SYCP2: variants seen among roughly 807,000 people sequenced by gnomAD.
SYCP2 encodes synaptonemal complex lateral element protein.
In SYCP2, 55 loss-of-function variants were observed where a neutral mutation model predicts 211.3. The observed-to-expected ratio is 0.26, with a 90% CI of 0.21 to 0.33. The LOEUF is 0.33. SYCP2 is among the 10% of genes least tolerant of loss of function. The pLI, the probability that SYCP2 is intolerant of heterozygous loss-of-function variation, is 1.00. For synonymous variants in SYCP2, 570 were observed against 555.2 expected (o/e 1.03, Z -0.37); for missense variants, 1,731 against 1,752.0 (o/e 0.99, Z 0.21).
At chr20:59,880,138 A>G (rs1294270720) in intron 31 of SYCP2, among the ~76,000 whole-genome samples, 165 bp downstream of exon 31, 1 of 151,460 alleles carries the variant, frequency 6.6e-6, no homozygotes, top group Non-Finnish European at 1.5e-5. Context: ...ATATAACCGT[A>G]TTACTAAAAT....
chr20:59,898,466 G>C (rs6071016), intron 18 of SYCP2, among the ~76,000 whole-genome samples: 2,956 of 152,198 alleles, frequency 0.019, 42 homozygotes, highest in Middle Eastern at 0.041. Flanking sequence ...ACTAACACAA[G>C]AACAGAAAAC....
chr20:59,897,362 G>C (rs2060030369), intron 18 of SYCP2, among the ~76,000 whole-genome samples: 1 of 152,154 alleles, frequency 6.6e-6, no homozygotes, highest in African/African-American at 2.4e-5. Context: ...ATTTTTCTTA[G>C]AGAAATTAAG....
Position 59,893,214 on chromosome 20 carries a change from T to G in SYCP2, c.1736-15A>C. The G allele has an allele frequency of 1.9e-6, 3 of 1,563,128 alleles. No individual in the cohort carries two copies. Among genetic ancestry groups the G allele is most frequent in the South Asian group, 2.3e-5 (2 of 86,264 alleles). On this transcript the variant is annotated splice_polypyrimidine_tract_variant and intron_variant, in intron 21 of 44. Transcript: ENST00000357552. ...CTGGAGTTCACCTAAATAAAACAAA[T>G]ATTATAATATTTTCATTTTTTTCAT...
rs1189169092 is a variant in SYCP2, at chr20:59,868,540, T to G, written c.3861A>C (p.Arg1287Ser). 1 of 1,606,088 alleles carries G rather than the reference T, an allele frequency of 6.2e-7. No individual in the cohort carries two copies. ...SGPTQHLSRK[R>S]IYIEDNLSNS... ...TACTTAGATTATCTTCTATATATAT[T>G]CTTTTGCGACTAAGATGTTGGGTGG... The change falls in exon 38 of 45, where the codon AGA becomes AGC. Residue 1287 changes from arginine (R) to serine (S), a missense_variant. By Grantham distance (110) the Arg-to-Ser change is moderately radical. Coordinates refer to ENST00000357552, the MANE Select transcript of SYCP2 (RefSeq NM_014258.4).
chr20:59,885,416 T>C (rs146243832), intron 26 of SYCP2, among the ~76,000 whole-genome samples: 29 of 152,228 alleles, frequency 1.9e-4, no homozygotes, highest in African/African-American at 3.8e-4. Context: ...ACTGGGCTAA[T>C]AGGAGTTGGC....
chr20:59,899,977 TA>T, intron 18 of SYCP2, 160 bp downstream of exon 18: 1 of 750,170 alleles, frequency 1.3e-6, no homozygotes, highest in Non-Finnish European at 2.2e-6. Flanking sequence ...AGACACACAC[TA>T]TCTTTTGTTT....
intron 7 of SYCP2, 71 bp from the exon 8 acceptor site, chr20:59,916,642 A>G: frequency 9.2e-7 from 1 of 1,088,956 alleles, no homozygotes; most frequent in Admixed American, 1.8e-5. Flanking sequence ...TTTTCTTATA[A>G]GAGTTAGTGG....
At position 59,874,042 on chromosome 20, in the gene SYCP2, T is replaced by C. The variant is rs146097233; in HGVS notation, c.3369A>G (p.Glu1123=). ...EVTRCIEKIT[E]KDFTQDYDCI... ...AGTCATAATCCTGAGTAAAATCCTT[T>C]TCTGTTATTTTCTCTATACCTATAT... Residue 1123 remains glutamate (E), a synonymous_variant, in exon 35 of 45, where the codon GAA becomes GAG. Coordinates refer to ENST00000357552, the MANE Select transcript of SYCP2 (RefSeq NM_014258.4). 34 of 1,596,914 alleles carry C rather than the reference T, an allele frequency of 2.1e-5. No homozygotes were observed. The highest frequency in any genetic ancestry group is 2.8e-5 in the Non-Finnish European group (33 of 1,171,520).
intron 35 of SYCP2, among the ~76,000 whole-genome samples, chr20:59,871,740 A>C (rs2059455800): frequency 6.6e-6 from 1 of 151,996 alleles, no homozygotes; most frequent in Non-Finnish European, 1.5e-5. Context: ...TACATAAGTA[A>C]TCTCTAGATT....
chr20:59,913,961 T>G lies in SYCP2; in HGVS notation c.830+14A>C, dbSNP rs1228524495. The G allele has an allele frequency of 4.1e-5, 65 of 1,584,998 alleles. No homozygotes were observed. The highest frequency in any genetic ancestry group is 5.5e-5 in the Non-Finnish European group (64 of 1,166,754). On this transcript the variant is annotated intron_variant, in intron 12 of 44. Transcript: ENST00000357552. ...TATTTGACAGTAAATGGTTGTATCTTGCATTAAGTTTACCTTCTTTTGTCT... is the reference window on the plus strand; with the variant it reads ...TATTTGACAGTAAATGGTTGTATCTGGCATTAAGTTTACCTTCTTTTGTCT...
chr20:59,885,648 ACACACACG>A (rs1243578443), intron 26 of SYCP2, among the ~76,000 whole-genome samples: 3 of 151,820 alleles, frequency 2.0e-5, no homozygotes, highest in Non-Finnish European at 2.9e-5. Context: ...ATACACACAC[ACACACACG>A]CGCGCACGCG....
chr20:59,918,380 A>C (rs2060481888), intron 7 of SYCP2, among the ~76,000 whole-genome samples: 1 of 152,214 alleles, frequency 6.6e-6, no homozygotes, highest in Non-Finnish European at 1.5e-5. Flanking sequence ...GACTGTCAAA[A>C]CAGGAAGCAA....
At chr20:59,920,335 A>G (rs1017189849) in intron 5 of SYCP2, 24 bp downstream of exon 5, 2 of 1,539,406 alleles carry the variant, frequency 1.3e-6, no homozygotes, top group African/African-American at 2.8e-5. Context: ...ATTCACATGA[A>G]TATGTTACAT....
rs73623747 is a variant in SYCP2 at position 59,923,572 on chromosome 20, G to C, written c.-46-1113C>G. 9.2e-5 allele frequency among the ~76,000 whole-genome samples: 14 copies of C among 151,662 alleles called. No homozygotes were observed. The South Asian group carries it at 2.9e-3, about 32-fold the overall frequency. On this transcript the variant is annotated intron_variant, in intron 2 of 44. Transcript: ENST00000357552. ...TTTTTAATTAGCTGGGTATAGTGGT[G>C]TGTGCCTGTAATCCCAGCTACTCTG...
intron 12 of SYCP2, 61 bp downstream of exon 12, chr20:59,913,914 G>T: frequency 8.0e-7 from 1 of 1,243,784 alleles, no homozygotes. Flanking sequence ...GCAACACTGG[G>T]TGCTCACTCT....
chr20:59,927,815 T>TC (rs1376269922), intron 2 of SYCP2, among the ~76,000 whole-genome samples: 82 of 152,300 alleles, frequency 5.4e-4, no homozygotes, highest in African/African-American at 1.9e-3. Flanking sequence ...CAGCTCAGGC[T>TC]CACCCTTTTG....
chr20:59,909,567 T>C (rs2145823050), intron 14 of SYCP2, among the ~76,000 whole-genome samples: 1 of 152,344 alleles, frequency 6.6e-6, no homozygotes, highest in South Asian at 2.1e-4. Context: ...CTCCAGTGCC[T>C]AGTACATACG....
At position 59,869,873 on chromosome 20, in the gene SYCP2, A is replaced by G; in HGVS notation, c.3666T>C (p.Ser1222=). 1 of 1,607,910 alleles carries G rather than the reference A, an allele frequency of 6.2e-7. No individual in the cohort carries two copies. The highest frequency in any genetic ancestry group is 8.5e-7 in the Non-Finnish European group (1 of 1,175,570). ...CCATAAACCGTTCTTCTGAACTATA[A>G]CTGCTTACATCTGAATAGCTGTTAC... ...QNSNSYSDVS[S]YSSEERFMEI... Residue 1222 remains serine (S), a synonymous_variant, in exon 36 of 45, where the codon AGT becomes AGC. Coordinates refer to ENST00000357552, the MANE Select transcript of SYCP2 (RefSeq NM_014258.4).
In SYCP2 at chr20:59,932,490, A is replaced by C. The variant is rs1255802138; in HGVS notation, c.-139-336T>G. Among the ~76,000 whole-genome samples the C allele has an allele frequency of 2.6e-5, 4 of 152,162 alleles. No homozygotes were observed. The South Asian group carries it at 8.3e-4, about 31-fold the overall frequency. ...CAGGAGTTCGAGACCAGCCGGGCCAACATGGAGAAAACCCGTCTCTACTAA... is the reference window on the plus strand; with the variant it reads ...CAGGAGTTCGAGACCAGCCGGGCCACCATGGAGAAAACCCGTCTCTACTAA... On this transcript the variant is annotated intron_variant, in intron 1 of 44. Transcript: ENST00000357552.
Sources: gnomAD v4.1 joint callset for allele counts (sites outside exome capture counted in the v4.1 genomes callset) on GRCh38, gnomAD v4.1.1 for gene constraint, MANE v1.5 for transcripts, NCBI Gene and HGNC (gene_info 2026-07-23, HGNC 2026-07-21) for gene names.